The following PDLIM5 variants were observed in gnomAD, a reference collection of about 807,000 sequenced individuals.
PDLIM5 encodes the protein PDZ and LIM domain 5.
PDLIM5 carries 34 observed loss-of-function variants against 64.2 expected under a neutral mutation model. The ratio of observed to expected loss-of-function variants is 0.53; its 90% CI spans 0.40 to 0.71. The LOEUF (loss-of-function observed/expected upper bound fraction) is 0.71, where lower values mean the gene tolerates loss of function less well. PDLIM5 is among the 30% of genes least tolerant of loss of function. PDLIM5 has a pLI of 0.00. For missense variants in PDLIM5, 683 were observed against 733.6 expected, an observed-to-expected ratio of 0.93 and a Z score of 0.80; for synonymous variants, 253 against 269.1, an observed-to-expected ratio of 0.94 and a Z score of 0.59.
chr4:94,614,435 G>T (rs2006927), intron 7 of PDLIM5, among the ~76,000 whole-genome samples: 21,557 of 152,050 alleles, frequency 0.14, 3,503 homozygotes, highest in African/African-American at 0.4. Context: ...GTTTATGTAT[G>T]CTCTTTAAAT....
intron 9 of PDLIM5, among the ~76,000 whole-genome samples, chr4:94,644,477 A>G (rs1316965761): frequency 6.6e-6 from 1 of 152,198 alleles, no homozygotes; most frequent in Non-Finnish European, 1.5e-5. Flanking sequence ...TAAGCCTGAT[A>G]ACAATAAAAA....
At chr4:94,489,705 T>C (rs1280837980) in intron 2 of PDLIM5, among the ~76,000 whole-genome samples, 1 of 152,010 alleles carries the variant, frequency 6.6e-6, no homozygotes, top group Non-Finnish European at 1.5e-5. Context: ...GTGGAAGAAT[T>C]GCTTGAGCCC....
At chr4:94,592,399 A>G (rs1051008498) in intron 7 of PDLIM5, among the ~76,000 whole-genome samples, 10 of 152,212 alleles carry the variant, frequency 6.6e-5, no homozygotes, top group Admixed American at 1.3e-4. Context: ...TTTTCTTCAC[A>G]TCCTTAAAAG....
chr4:94,493,350 C>T (rs1450870174), intron 2 of PDLIM5, among the ~76,000 whole-genome samples: 1 of 151,330 alleles, frequency 6.6e-6, no homozygotes, highest in East Asian at 1.9e-4. Context: ...CTCACTCTGT[C>T]ACCTAGGCTA....
intron 2 of PDLIM5, among the ~76,000 whole-genome samples, chr4:94,499,305 C>T (rs1432778741): frequency 6.6e-6 from 1 of 151,744 alleles, no homozygotes; most frequent in Non-Finnish European, 1.5e-5. Context: ...TATTTTTTCA[C>T]CCCTTTCTTG....
chr4:94,524,368 C>CA (rs34215993), intron 3 of PDLIM5, among the ~76,000 whole-genome samples: 16,139 of 76,984 alleles, frequency 0.21, 2,418 homozygotes, highest in East Asian at 0.31. Context: ...GACCCTGTCT[C>CA]AAAAAAAAAA....
chr4:94,645,702 T>C (rs1741360469), intron 9 of PDLIM5, among the ~76,000 whole-genome samples: 1 of 152,214 alleles, frequency 6.6e-6, no homozygotes, highest in African/African-American at 2.4e-5. Context: ...TTAAGAGTTA[T>C]AATGTCCAGA....
intron 3 of PDLIM5, among the ~76,000 whole-genome samples, chr4:94,563,992 C>A (rs969509515): frequency 8.3e-6 from 1 of 120,000 alleles, no homozygotes; most frequent in Non-Finnish European, 1.6e-5. Flanking sequence ...GAGACAGAGT[C>A]TTACTCTGTC....
chr4:94,518,065 T>C (rs535886578), intron 2 of PDLIM5, among the ~76,000 whole-genome samples: 4 of 152,296 alleles, frequency 2.6e-5, no homozygotes, highest in African/African-American at 9.6e-5. Flanking sequence ...ATAAATTTCA[T>C]ATATAGACAA....
intron 7 of PDLIM5, among the ~76,000 whole-genome samples, chr4:94,613,488 C>T (rs1257699857): frequency 7.2e-5 from 11 of 152,148 alleles, no homozygotes; most frequent in Non-Finnish European, 5.9e-5. Context: ...TCTTCCTTTT[C>T]GTTTTTCCTC....
Position 94,452,676 on chromosome 4 carries a change from A to G in PDLIM5, c.-43+681A>G, listed in dbSNP as rs148402323. On this transcript the variant is annotated intron_variant, in intron 1 of 12. Coordinates refer to ENST00000317968, the MANE Select transcript of PDLIM5 (RefSeq NM_006457.5). ...TTCGGTGCGTTTTACAATAAGTGGA[A>G]AAAGGAAGGGCGTGTGGACAGGGCA... 3.4e-3 allele frequency among the ~76,000 whole-genome samples: 514 copies of G among 152,300 alleles called. 1 individual carries two copies. Among genetic ancestry groups the G allele is most frequent in the African/African-American group, 0.011 (478 of 41,566 alleles).
chr4:94,641,242 T>C (rs10010013), intron 9 of PDLIM5, among the ~76,000 whole-genome samples: 34,713 of 152,158 alleles, frequency 0.23, 4,327 homozygotes, highest in African/African-American at 0.33. Flanking sequence ...AAATTTATCC[T>C]ACTTTGAAAT....
At chr4:94,644,910 C>CT (rs11358467) in intron 9 of PDLIM5, among the ~76,000 whole-genome samples, 392 of 147,768 alleles carry the variant, frequency 2.7e-3, no homozygotes, top group African/African-American at 8.0e-3. Context: ...TGATATTATT[C>CT]TTTTTTTTTT....
intron 7 of PDLIM5, 50 bp downstream of exon 7, chr4:94,586,494 T>G: frequency 9.0e-7 from 1 of 1,107,842 alleles, no homozygotes; most frequent in Non-Finnish European, 1.4e-6. Context: ...TCACGAATGG[T>G]CTCAATTTAG....
rs748674998 is a variant in PDLIM5 at position 94,662,418 on chromosome 4, A to G, written c.1586-4A>G. 1 of 1,347,518 alleles carries G rather than the reference A, an allele frequency of 7.4e-7. No homozygotes were observed. Among genetic ancestry groups the G allele is most frequent in the Non-Finnish European group, 1.1e-6 (1 of 937,088 alleles). The allele number at this position is 1,347,518 out of a possible 1,614,324, so 83.5% of individuals were successfully genotyped here. On this transcript the variant is annotated splice_polypyrimidine_tract_variant and splice_region_variant and intron_variant, in intron 11 of 12. Coordinates refer to ENST00000317968, the MANE Select transcript of PDLIM5 (RefSeq NM_006457.5). Reference sequence around the variant, plus strand: ...TTATGTCTCTCTGCCCTCCCTTAATACAGATTATTATGCCCTCTTTGGTAC... The same window carrying G: ...TTATGTCTCTCTGCCCTCCCTTAATGCAGATTATTATGCCCTCTTTGGTAC...
chr4:94,555,670 T>A (rs1173026690), intron 3 of PDLIM5, among the ~76,000 whole-genome samples: 1 of 152,048 alleles, frequency 6.6e-6, no homozygotes, highest in Non-Finnish European at 1.5e-5. Context: ...ATATAATGAT[T>A]GTAACATTGA....
intron 7 of PDLIM5, chr4:94,588,224 A>G (rs1736398434): frequency 1.1e-6 from 1 of 949,362 alleles, no homozygotes; most frequent in Non-Finnish European, 1.3e-6. Context: ...CTGACATTTC[A>G]TTTGGAAATC....
intron 7 of PDLIM5, among the ~76,000 whole-genome samples, chr4:94,591,785 G>C (rs1007960871): frequency 1.3e-5 from 2 of 152,212 alleles, no homozygotes; most frequent in Non-Finnish European, 2.9e-5. Context: ...CTTCACGGTT[G>C]TTGACCCTAG....
chr4:94,498,570 A>G (rs1215401786), intron 2 of PDLIM5, among the ~76,000 whole-genome samples: 5 of 152,216 alleles, frequency 3.3e-5, no homozygotes, highest in East Asian at 1.9e-4. Flanking sequence ...ATTACTTTCT[A>G]TACTAACTTC....
Sources: allele counts gnomAD v4.1 joint callset (sites outside exome capture counted in the v4.1 genomes callset), GRCh38; gene constraint gnomAD v4.1.1; transcripts MANE v1.5; gene names NCBI Gene and HGNC (gene_info 2026-07-23, HGNC 2026-07-21).